CIPC: variants seen among roughly 807,000 people sequenced by gnomAD.
The protein encoded by CIPC is CLOCK-interacting pacemaker.
CIPC carries 12 observed loss-of-function variants against 26.7 expected under a neutral mutation model. The ratio of observed to expected loss-of-function variants is 0.45; its 90% CI spans 0.29 to 0.73. The LOEUF is 0.73. Among genes scored for constraint, CIPC ranks in the 30% least tolerant of loss-of-function variants. The probability of loss-of-function intolerance (pLI) is 0.12; values close to 1 mark genes in which losing one functional copy is unlikely to be tolerated. For missense variants in CIPC, 417 were observed against 486.5 expected (o/e 0.86, Z 1.34); for synonymous variants, 170 against 189.8 (o/e 0.90, Z 0.86).
At chr14:77,108,400 T>C (rs970923271) in intron 2 of CIPC, among the ~76,000 whole-genome samples, 2 of 152,170 alleles carry the variant, frequency 1.3e-5, no homozygotes, top group Non-Finnish European at 2.9e-5. Flanking sequence ...GGTTTAAAAG[T>C]GGTGATCTTG....
At chr14:77,101,660 T>C in intron 1 of CIPC, among the ~76,000 whole-genome samples, 1 of 152,236 alleles carries the variant, frequency 6.6e-6, no homozygotes, top group African/African-American at 2.4e-5. Context: ...AACAGTTTTA[T>C]TTAATCAAAG....
rs147404819 is a variant in CIPC at position 77,103,124 on chromosome 14, C to G, written c.-52-2533C>G. Among the ~76,000 whole-genome samples the G allele has an allele frequency of 7.2e-5, 11 of 152,250 alleles. No individual in the cohort carries two copies. The East Asian group carries it at 2.1e-3, about 29-fold the overall frequency. ...TCAGTTGAATGAGGAAGCCAGTCCCCTTAAATGAGTTAGATACGGGGCAAA... is the reference window on the plus strand; with the variant it reads ...TCAGTTGAATGAGGAAGCCAGTCCCGTTAAATGAGTTAGATACGGGGCAAA... On this transcript the variant is annotated intron_variant, in intron 1 of 3. Transcript: ENST00000361786.
At chr14:77,112,148 A>G (rs984487293) in intron 3 of CIPC, among the ~76,000 whole-genome samples, 6 of 152,214 alleles carry the variant, frequency 3.9e-5, no homozygotes, top group Admixed American at 2.6e-4. Flanking sequence ...AATGTTCTTC[A>G]GATAAATCAA....
At chr14:77,110,427 C>T (rs1188718947) in intron 3 of CIPC, among the ~76,000 whole-genome samples, 4 of 152,124 alleles carry the variant, frequency 2.6e-5, no homozygotes, top group African/African-American at 4.8e-5. Context: ...TTCCCTGTTT[C>T]TTATGTCATA....
chr14:77,109,261 C>T (rs543945208), intron 2 of CIPC, among the ~76,000 whole-genome samples: 7 of 152,318 alleles, frequency 4.6e-5, no homozygotes, highest in African/African-American at 1.7e-4. Context: ...TTAAAAGTAT[C>T]ACTGGAGATT....
rs373967293 is a variant in CIPC, at chr14:77,101,273, TG to T, written c.-53+2915del. 1.1e-3 allele frequency among the ~76,000 whole-genome samples: 167 copies of T among 152,214 alleles called. 1 individual carries two copies. The highest frequency in any genetic ancestry group is 3.9e-3 in the African/African-American group (161 of 41,542). The stretch of plus-strand genomic sequence containing the variant: ...GGCTTTATGTGGTGCTATGTGTGAG[TG>T]GGTCCCTCAGCCACTCCCAGGAGGG... On this transcript the variant is annotated intron_variant, in intron 1 of 3. Transcript: ENST00000361786.
Position 77,109,917 on chromosome 14 carries a change from C to G in CIPC, c.242C>G (p.Thr81Ser), listed in dbSNP as rs969632694. 1.2e-6 allele frequency: 2 copies of G among 1,614,208 alleles called. No homozygotes were observed. The highest frequency in any genetic ancestry group is 1.7e-6 in the Non-Finnish European group (2 of 1,180,030). The change falls in exon 3 of 4, where the codon ACT becomes AGT. Residue 81 changes from threonine (T) to serine (S), a missense_variant. Transcript: ENST00000361786. Reference sequence around the variant, plus strand: ...GACAGGCCGAGGCAGAACTCCAAAACTGCAAAGAATGCCTTCCCTACCCTG... The same window carrying G: ...GACAGGCCGAGGCAGAACTCCAAAAGTGCAAAGAATGCCTTCCCTACCCTG... ...REDRPRQNSK[T>S]AKNAFPTLSP...
chr14:77,113,349 C>T lies in CIPC; in HGVS notation c.307-76C>T, dbSNP rs779313252. On this transcript the variant is annotated intron_variant, in intron 3 of 3. Transcript: ENST00000361786. The stretch of plus-strand genomic sequence containing the variant: ...TCTAAGCATTTGAGTATCCACTTGC[C>T]CCTTTGACAGAAGCTTCACTCCTCT... 4 of 1,508,586 alleles carry T rather than the reference C, an allele frequency of 2.7e-6. No homozygotes were observed. The South Asian group carries it at 3.4e-5, about 13-fold the overall frequency. The allele number at this position is 1,508,586 out of a possible 1,614,324, so 93.5% of individuals were successfully genotyped here.
At chr14:77,111,743 C>G (rs760120214) in intron 3 of CIPC, among the ~76,000 whole-genome samples, 13 of 152,232 alleles carry the variant, frequency 8.5e-5, no homozygotes, top group Non-Finnish European at 1.6e-4. Context: ...AGCTAAGTAT[C>G]TGTTAGGAGA....
At chr14:77,098,835 G>A (rs1886415598) in intron 1 of CIPC, 1 of 152,504 alleles carries the variant, frequency 6.6e-6, no homozygotes, top group Non-Finnish European at 1.5e-5. Flanking sequence ...GCCTTTTCCA[G>A]AGACCTGCCG....
chr14:77,113,833 A>C lies in CIPC; in HGVS notation c.715A>C (p.Ser239Arg). 1 of 1,614,134 alleles carries C rather than the reference A, an allele frequency of 6.2e-7. No individual in the cohort carries two copies. Among genetic ancestry groups the C allele is most frequent in the Non-Finnish European group, 8.5e-7 (1 of 1,180,026 alleles). The change falls in exon 4 of 4, where the codon AGT becomes CGT. Residue 239 changes from serine (S) to arginine (R), a missense_variant. Transcript: ENST00000361786. ...QGVPSLVAGG[S>R]PQTLQPVSSS... ...TGTGCCCTCTCTGGTGGCAGGTGGA[A>C]GTCCACAGACTCTTCAGCCGGTATC...
At chr14:77,106,967 C>T (rs1335617665) in intron 2 of CIPC, among the ~76,000 whole-genome samples, 3 of 152,152 alleles carry the variant, frequency 2.0e-5, no homozygotes, top group Admixed American at 2.0e-4. Context: ...TCATAAGGCT[C>T]ACCTGAGGCA....
chr14:77,108,041 G>A (rs750342350), intron 2 of CIPC, among the ~76,000 whole-genome samples: 1 of 151,916 alleles, frequency 6.6e-6, no homozygotes, highest in Non-Finnish European at 1.5e-5. Context: ...CAGGCCTGTT[G>A]CTTTGTAGAA....
rs1886578110 is a variant in CIPC at position 77,105,712 on chromosome 14, G to A, written c.4G>A (p.Glu2Lys). ...TCTGCCTCCAGCTGAATAAACCATGGAGAGGAAAAACCCATCCAGAGAGAG... is the reference window on the plus strand; with the variant it reads ...TCTGCCTCCAGCTGAATAAACCATGAAGAGGAAAAACCCATCCAGAGAGAG... Reference protein sequence around the residue: MERKNPSRESPR... With the variant: MKRKNPSRESPR... The change falls in exon 2 of 4, where the codon GAG (glutamate) becomes AAG (lysine). Residue 2 changes from glutamate (E) to lysine (K), a missense_variant. Physicochemically the swap from Glu to Lys is moderately conservative, Grantham distance 56. Transcript: ENST00000361786. 6.2e-7 allele frequency: 1 copy of A among 1,613,672 alleles called. No individual in the cohort carries two copies.
Position 77,105,814 on chromosome 14 carries a change from G to C in CIPC, c.106G>C (p.Ala36Pro). 7 of 1,614,180 alleles carry C rather than the reference G, an allele frequency of 4.3e-6. No individual in the cohort carries two copies. Among genetic ancestry groups the C allele is most frequent in the Non-Finnish European group, 5.9e-6 (7 of 1,180,006 alleles). ...GGCTCGTCAGCTTGGGATGGCTGCT[G>C]CTGAGTCAGACAAGGACTCTGGCTT... ...KVARQLGMAAAESDKDSGFSD... is the reference protein window; with the variant it reads ...KVARQLGMAAPESDKDSGFSD... The change falls in exon 2 of 4, where the codon GCT becomes CCT. Residue 36 changes from alanine to proline, a missense_variant. Physicochemically the swap from Ala to Pro is conservative, Grantham distance 27. Transcript: ENST00000361786.
chr14:77,104,987 G>T (rs1417462608), intron 1 of CIPC, among the ~76,000 whole-genome samples: 1 of 152,212 alleles, frequency 6.6e-6, no homozygotes, highest in Non-Finnish European at 1.5e-5. Flanking sequence ...AGATGACATT[G>T]TGAGGCTCAA....
Position 77,113,899 on chromosome 14 carries a change from T to TC in CIPC, c.786dup (p.Ala263ArgfsTer26). On this transcript the variant is annotated frameshift_variant, in exon 4 of 4. Transcript: ENST00000361786. LOFTEE classifies it high-confidence loss of function. ...TAAAGCTCCCAGTCTGACCTTCGCT[T>TC]CCCCCGCCAGTCCTGTCTGCGCATC... is the stretch of plus-strand genomic sequence containing the variant. 1 of 1,612,602 alleles carries TC rather than the reference T, an allele frequency of 6.2e-7. No individual in the cohort carries two copies. The highest frequency in any genetic ancestry group is 8.5e-7 in the Non-Finnish European group (1 of 1,179,812).
chr14:77,114,286 C>T lies in CIPC; in HGVS notation c.1168C>T (p.Leu390=), dbSNP rs754075757. The T allele has an allele frequency of 2.1e-5, 34 of 1,611,662 alleles. No homozygotes were observed. Among genetic ancestry groups the T allele is most frequent in the Non-Finnish European group, 2.5e-6 (3 of 1,179,274 alleles). ...TPGSSNTGSD[L]EAFSDHPAI is the part of the protein sequence containing the mutation. Reference sequence around the variant, plus strand: ...TGGGTCCAGTAATACAGGCAGTGACCTAGAAGCATTCTCTGATCACCCAGC... The same window carrying T: ...TGGGTCCAGTAATACAGGCAGTGACTTAGAAGCATTCTCTGATCACCCAGC... The change falls in exon 4 of 4, where the codon CTA becomes TTA. Residue 390 remains leucine, a synonymous_variant. Coordinates refer to ENST00000361786, the MANE Select transcript of CIPC (RefSeq NM_033426.3).
intron 3 of CIPC, among the ~76,000 whole-genome samples, chr14:77,112,286 A>T (rs1338706366): frequency 6.6e-6 from 1 of 152,238 alleles, no homozygotes; most frequent in Non-Finnish European, 1.5e-5. Context: ...GGAGACAAGT[A>T]GCCATGTCCT....
Sources: allele counts gnomAD v4.1 joint callset (sites outside exome capture counted in the v4.1 genomes callset), GRCh38; gene constraint gnomAD v4.1.1; transcripts MANE v1.5; gene names NCBI Gene and HGNC (gene_info 2026-07-23, HGNC 2026-07-21).